RASAL2: variants seen among roughly 807,000 people sequenced by gnomAD.
RASAL2 encodes ras GTPase-activating protein nGAP.
A neutral mutation model predicts 128.9 loss-of-function variants in RASAL2; 58 were observed. That is an observed-to-expected ratio of 0.45 (90% CI 0.36 to 0.56). The LOEUF (loss-of-function observed/expected upper bound fraction) is 0.56, where lower values mean the gene tolerates loss of function less well. Ranked by LOEUF, RASAL2 falls within the 20% of genes least tolerant of loss-of-function variation. The pLI is 0.00. For missense variants in RASAL2, 1,360 were observed against 1,601.6 expected, an observed-to-expected ratio of 0.85 and a Z score of 2.57; for synonymous variants, 561 against 580.8, an observed-to-expected ratio of 0.97 and a Z score of 0.49.
intron 14 of RASAL2, among the ~76,000 whole-genome samples, chr1:178,463,424 T>G (rs1647321148): frequency 2.6e-5 from 4 of 152,200 alleles, no homozygotes. Context: ...TGTAGCACTC[T>G]GAAGTTTCCA....
chr1:178,206,982 C>G (rs1312704215), intron 1 of RASAL2, among the ~76,000 whole-genome samples: 1 of 151,908 alleles, frequency 6.6e-6, no homozygotes, highest in Non-Finnish European at 1.5e-5. Context: ...CGAGACCAGC[C>G]TGGACTACAT....
intron 1 of RASAL2, among the ~76,000 whole-genome samples, chr1:178,279,118 G>C (rs542233437): frequency 1.3e-5 from 2 of 152,316 alleles, no homozygotes; most frequent in Admixed American, 6.5e-5. Context: ...GGAAATAATA[G>C]ATTGCATTGA....
intron 1 of RASAL2, among the ~76,000 whole-genome samples, chr1:178,143,896 G>A (rs1283690815): frequency 6.6e-6 from 1 of 151,984 alleles, no homozygotes; most frequent in Non-Finnish European, 1.5e-5. Context: ...TTGAACCTAT[G>A]ATGAATGAAA....
chr1:178,470,711 A>T (rs762485467), intron 17 of RASAL2: 1 of 1,365,980 alleles, frequency 7.3e-7, no homozygotes, highest in Non-Finnish European at 9.8e-7. Context: ...TGGAGATGAG[A>T]TTATTCAAAC....
At chr1:178,463,256 ACTCT>A (rs3838462) in intron 14 of RASAL2, among the ~76,000 whole-genome samples, 139 of 151,746 alleles carry the variant, frequency 9.2e-4, no homozygotes, top group African/African-American at 3.2e-3. Context: ...TCTTTAGCTT[ACTCT>A]CTCTCTCTGA....
At chr1:178,186,932 T>TC (rs1477200108) in intron 1 of RASAL2, among the ~76,000 whole-genome samples, 1 of 151,992 alleles carries the variant, frequency 6.6e-6, no homozygotes, top group African/African-American at 2.4e-5. Flanking sequence ...CTAGTGATCC[T>TC]CCCGCCTCAA....
At chr1:178,244,747 C>T (rs2102063596) in intron 1 of RASAL2, among the ~76,000 whole-genome samples, 1 of 152,234 alleles carries the variant, frequency 6.6e-6, no homozygotes, top group Middle Eastern at 3.4e-3. Context: ...CCCCAACAGG[C>T]CCCGGTGTGT....
At chr1:178,164,486 TGTGTGTGTGTGTGTGTGTGC>T (rs780949983) in intron 1 of RASAL2, among the ~76,000 whole-genome samples, 3 of 143,702 alleles carry the variant, frequency 2.1e-5, no homozygotes, top group African/African-American at 5.2e-5. Context: ...AGCATTTGTG[TGTGTGTGTGTGTGTGTGTGC>T]GTGTGTGTGT....
intron 1 of RASAL2, among the ~76,000 whole-genome samples, chr1:178,107,221 A>G (rs1339417700): frequency 6.6e-6 from 1 of 152,132 alleles, no homozygotes; most frequent in African/African-American, 2.4e-5. Flanking sequence ...TTCTTTTGAA[A>G]TATTACCCTC....
rs1661860244 is a variant in RASAL2 at position 178,175,632 on chromosome 1, A to G, written c.202+80938A>G. On this transcript the variant is annotated intron_variant, in intron 1 of 17. Coordinates refer to ENST00000367649, the MANE Select transcript of RASAL2 (RefSeq NM_170692.4). The stretch of plus-strand genomic sequence containing the variant: ...TGAAGTCTGAGATTTTAGTGTACCC[A>G]TCACCCAAGTGGTGTACATTGTACC... Among the ~76,000 whole-genome samples the G allele has an allele frequency of 3.3e-5, 5 of 150,998 alleles. No homozygotes were observed. In the South Asian group the frequency reaches 1.0e-3, roughly 31 times the overall value.
At chr1:178,285,113 T>C (rs1485258221) in intron 2 of RASAL2, among the ~76,000 whole-genome samples, 1 of 130,726 alleles carries the variant, frequency 7.6e-6, no homozygotes, top group African/African-American at 2.9e-5. Flanking sequence ...CTTTTTTTTT[T>C]TTTTTTTTTT....
intron 1 of RASAL2, among the ~76,000 whole-genome samples, chr1:178,116,786 A>G (rs530113862): frequency 1.3e-5 from 2 of 151,894 alleles, no homozygotes; most frequent in South Asian, 4.2e-4. Context: ...ATTTTTTTGT[A>G]TTTTTAGTTG....
chr1:178,323,067 C>G (rs770267310), intron 3 of RASAL2, among the ~76,000 whole-genome samples: 65 of 152,198 alleles, frequency 4.3e-4, no homozygotes, highest in Non-Finnish European at 8.1e-4. Flanking sequence ...AAGATATTAA[C>G]TCTTGGCAAT....
intron 1 of RASAL2, among the ~76,000 whole-genome samples, chr1:178,208,624 G>C (rs1663144706): frequency 6.6e-6 from 1 of 152,100 alleles, no homozygotes; most frequent in African/African-American, 2.4e-5. Context: ...TTTGACCTGT[G>C]ATCTTTGTTG....
At chr1:178,198,333 A>T (rs1157080548) in intron 1 of RASAL2, among the ~76,000 whole-genome samples, 6 of 152,148 alleles carry the variant, frequency 3.9e-5, no homozygotes, top group African/African-American at 1.4e-4. Flanking sequence ...GTGTAAAAGC[A>T]TTCCTATTTC....
chr1:178,094,853 C>G (rs1658614554), intron 1 of RASAL2, among the ~76,000 whole-genome samples, 159 bp downstream of exon 1: 1 of 152,216 alleles, frequency 6.6e-6, no homozygotes, highest in Admixed American at 6.5e-5. Flanking sequence ...CAAGTTTCTT[C>G]AGACTATCAC....
At chr1:178,242,407 C>A (rs1664539040) in intron 1 of RASAL2, among the ~76,000 whole-genome samples, 1 of 148,728 alleles carries the variant, frequency 6.7e-6, no homozygotes. Flanking sequence ...CTGCTAATGA[C>A]AATTTTTATA....
At chr1:178,104,887 ATG>A (rs1659032091) in intron 1 of RASAL2, among the ~76,000 whole-genome samples, 1 of 152,204 alleles carries the variant, frequency 6.6e-6, no homozygotes, top group Non-Finnish European at 1.5e-5. Flanking sequence ...GGTCAAATCC[ATG>A]ACCGTGACCT....
rs377424536 is a variant in RASAL2, at chr1:178,281,930, G to T, written c.203-1634G>T. Among the ~76,000 whole-genome samples the T allele has an allele frequency of 1.6e-4, 25 of 152,236 alleles. No homozygotes were observed. The South Asian group carries it at 5.0e-3, about 30-fold the overall frequency. ...AGGATTAAGAGTCAGTTTCATTAGAGCTTTTTTGTGATAATTTTGAGATTT... is the reference window on the plus strand; with the variant it reads ...AGGATTAAGAGTCAGTTTCATTAGATCTTTTTTGTGATAATTTTGAGATTT... On this transcript the variant is annotated intron_variant, in intron 1 of 17. Transcript: ENST00000367649.
Sources: gnomAD v4.1 joint callset for allele counts (sites outside exome capture counted in the v4.1 genomes callset) on GRCh38, gnomAD v4.1.1 for gene constraint, MANE v1.5 for transcripts, NCBI Gene and HGNC (gene_info 2026-07-23, HGNC 2026-07-21) for gene names.